The following AMOTL1 variants were observed in gnomAD, a reference collection of about 807,000 sequenced individuals.
AMOTL1 encodes the protein angiomotin like 1.
Under a neutral mutation model 102.9 loss-of-function variants are expected in AMOTL1, and 45 were observed. The observed-to-expected ratio is 0.44, with a 90% CI of 0.34 to 0.56. The LOEUF is 0.56. Among genes scored for constraint, AMOTL1 ranks in the 20% least tolerant of loss-of-function variants. The pLI, the probability that AMOTL1 is intolerant of heterozygous loss-of-function variation, is 0.01. For missense variants in AMOTL1, 1,114 were observed against 1,225.6 expected (o/e 0.91, Z 1.36); for synonymous variants, 481 against 484.7 (o/e 0.99, Z 0.10).
At chr11:94,837,456 G>T (rs748078280) in intron 6 of AMOTL1, among the ~76,000 whole-genome samples, 10 of 152,178 alleles carry the variant, frequency 6.6e-5, no homozygotes, top group Non-Finnish European at 1.5e-4. Flanking sequence ...GTGGGAGAGT[G>T]GGCCATGTTC....
At chr11:94,806,891 G>A (rs1306917658) in intron 3 of AMOTL1, among the ~76,000 whole-genome samples, 1 of 152,124 alleles carries the variant, frequency 6.6e-6, no homozygotes. Flanking sequence ...AAGGGGTCCA[G>A]GTGGGAAGTT....
chr11:94,709,999 C>T (rs956638628), intron 1 of AMOTL1, among the ~76,000 whole-genome samples: 5 of 152,274 alleles, frequency 3.3e-5, no homozygotes, highest in East Asian at 1.9e-4. Flanking sequence ...TTTACTAACT[C>T]GTTTTACCGT....
chr11:94,708,968 T>A (rs932294442), intron 1 of AMOTL1, among the ~76,000 whole-genome samples: 10 of 152,186 alleles, frequency 6.6e-5, no homozygotes, highest in Non-Finnish European at 1.3e-4. Context: ...GTTAGGCTAC[T>A]CAGAGATTTA....
At chr11:94,737,753 C>A (rs942145710) in intron 2 of AMOTL1, among the ~76,000 whole-genome samples, 2 of 152,196 alleles carry the variant, frequency 1.3e-5, no homozygotes, top group Non-Finnish European at 1.5e-5. Flanking sequence ...AGGTCAAAAC[C>A]TGCTGTTAGG....
intron 6 of AMOTL1, among the ~76,000 whole-genome samples, chr11:94,846,422 C>A (rs1016072936): frequency 1.3e-5 from 2 of 152,144 alleles, no homozygotes; most frequent in African/African-American, 4.8e-5. Flanking sequence ...GAAATAGGTA[C>A]TATTGTGATG....
chr11:94,773,762 G>A (rs1950985559), intron 1 of AMOTL1, among the ~76,000 whole-genome samples: 1 of 152,172 alleles, frequency 6.6e-6, no homozygotes, highest in East Asian at 1.9e-4. Flanking sequence ...GAGTGGTTGA[G>A]GACCTTTTTG....
At chr11:94,741,059 T>A in intron 3 of AMOTL1, 1 of 1,209,486 alleles carries the variant, frequency 8.3e-7, no homozygotes, top group Non-Finnish European at 1.1e-6. Flanking sequence ...TTGGGGGGCG[T>A]CCATAGGAAC....
intron 6 of AMOTL1, among the ~76,000 whole-genome samples, chr11:94,840,681 T>TATATATAC (rs1166713705): frequency 4.8e-4 from 50 of 104,778 alleles, no homozygotes; most frequent in African/African-American, 1.9e-3. Context: ...TATATATATA[T>TATATATAC]ACACACACAC....
At chr11:94,814,526 G>A (rs1951734098) in intron 3 of AMOTL1, among the ~76,000 whole-genome samples, 1 of 152,226 alleles carries the variant, frequency 6.6e-6, no homozygotes, top group Non-Finnish European at 1.5e-5. Context: ...GGGAGAAGGA[G>A]TGTCAGAAGG....
chr11:94,822,228 G>A (rs1454507102), intron 4 of AMOTL1, among the ~76,000 whole-genome samples: 3 of 152,096 alleles, frequency 2.0e-5, no homozygotes, highest in Non-Finnish European at 2.9e-5. Context: ...CAGGTGGATC[G>A]CTTGAGCCTG....
At chr11:94,750,294 C>T (rs539301269) in intron 3 of AMOTL1, among the ~76,000 whole-genome samples, 33 of 152,278 alleles carry the variant, frequency 2.2e-4, no homozygotes, top group East Asian at 9.7e-4. Context: ...TATTGAGACC[C>T]GTGAACACCG....
intron 1 of AMOTL1, among the ~76,000 whole-genome samples, chr11:94,778,259 G>A (rs1951053237): frequency 1.3e-5 from 2 of 152,162 alleles, no homozygotes; most frequent in African/African-American, 4.8e-5. Context: ...ATAGAAGTGT[G>A]GGGGTATCTT....
intron 3 of AMOTL1, among the ~76,000 whole-genome samples, chr11:94,757,081 T>C (rs894407626): frequency 2.6e-5 from 4 of 151,984 alleles, no homozygotes; most frequent in African/African-American, 9.7e-5. Context: ...CAAATCAAGA[T>C]GATAATTATT....
At chr11:94,813,715 A>T (rs1181377130) in intron 3 of AMOTL1, among the ~76,000 whole-genome samples, 1 of 152,184 alleles carries the variant, frequency 6.6e-6, no homozygotes, top group Non-Finnish European at 1.5e-5. Context: ...ACTCCACCAC[A>T]AGAGTGAAAT....
chr11:94,815,862 G>T (rs146084930), intron 3 of AMOTL1, among the ~76,000 whole-genome samples: 1 of 152,026 alleles, frequency 6.6e-6, no homozygotes, highest in Non-Finnish European at 1.5e-5. Flanking sequence ...GGGATATTCA[G>T]GACAAACCAG....
At chr11:94,743,226 G>C (rs1950549712) in intron 3 of AMOTL1, among the ~76,000 whole-genome samples, 1 of 152,194 alleles carries the variant, frequency 6.6e-6, no homozygotes, top group Non-Finnish European at 1.5e-5. Flanking sequence ...TGTGCCCGGG[G>C]ATCCCTAAGG....
intron 2 of AMOTL1, among the ~76,000 whole-genome samples, chr11:94,796,477 A>G (rs1951367897): frequency 6.6e-6 from 1 of 152,168 alleles, no homozygotes; most frequent in Admixed American, 6.5e-5. Flanking sequence ...TGGCAGAGGA[A>G]GACAGGTCAT....
chr11:94,766,675 A>G (rs2135507941), upstream of AMOTL1, among the ~76,000 whole-genome samples: 1 of 152,292 alleles, frequency 6.6e-6, no homozygotes, highest in South Asian at 2.1e-4. Context: ...TCAGCTCCTA[A>G]TTTGCGATTC....
At chr11:94,790,648 A>G (rs747486578) in intron 1 of AMOTL1, among the ~76,000 whole-genome samples, 3 of 152,160 alleles carry the variant, frequency 2.0e-5, no homozygotes, top group Non-Finnish European at 2.9e-5. Flanking sequence ...GAAAACCACA[A>G]AAATTCCACC....
Sources: allele counts gnomAD v4.1 joint callset (sites outside exome capture counted in the v4.1 genomes callset), GRCh38; gene constraint gnomAD v4.1.1; transcripts MANE v1.5; gene names NCBI Gene and HGNC (gene_info 2026-07-23, HGNC 2026-07-21).